Variants in FAM20C observed in about 807,000 individuals in gnomAD.
The protein encoded by FAM20C is FAM20C golgi associated secretory pathway kinase, also known as extracellular serine/threonine protein kinase FAM20C.
Under a neutral mutation model 51.5 loss-of-function variants are expected in FAM20C, and 40 were observed. The ratio of observed to expected loss-of-function variants is 0.78; its 90% CI spans 0.60 to 1.01. The LOEUF is 1.01. Ranked by LOEUF, FAM20C falls within the 50% of genes least tolerant of loss-of-function variation. The pLI is 0.00. For synonymous variants in FAM20C, 406 were observed against 380.6 expected, an observed-to-expected ratio of 1.07 and a Z score of -0.78; for missense variants, 861 against 844.7, an observed-to-expected ratio of 1.02 and a Z score of -0.24.
In FAM20C at chr7:193,697, G is replaced by GCACC; in HGVS notation, c.500_503dup (p.Leu169ProfsTer41). 1 of 1,545,368 alleles carries GCACC rather than the reference G, an allele frequency of 6.5e-7. No homozygotes were observed. Among genetic ancestry groups the GCACC allele is most frequent in the Non-Finnish European group, 8.7e-7 (1 of 1,144,846 alleles). On this transcript the variant is annotated frameshift_variant, in exon 1 of 10. Coordinates refer to ENST00000313766, the MANE Select transcript of FAM20C (RefSeq NM_020223.4). LOFTEE classifies it high-confidence loss of function. ...CCTCCCTCCTGGCCAGGCTGTTCGA[G>GCACC]CACCCGCTTTACCGGGTGGCGGTTC...
At chr7:217,006 G>A (rs559988190) in intron 3 of FAM20C, among the ~76,000 whole-genome samples, 1 of 152,088 alleles carries the variant, frequency 6.6e-6, no homozygotes, top group African/African-American at 2.4e-5. Context: ...TCGTACTGGC[G>A]TGAAGAGGCC....
chr7:206,977 C>G (rs1449733442), intron 2 of FAM20C, among the ~76,000 whole-genome samples: 12 of 53,142 alleles, frequency 2.3e-4, no homozygotes, highest in African/African-American at 9.9e-4. Flanking sequence ...GCCCCGCACA[C>G]GTATCCACTG....
At chr7:256,071 G>A in intron 6 of FAM20C, 42 bp downstream of exon 6, 1 of 1,526,198 alleles carries the variant, frequency 6.6e-7, no homozygotes, top group Non-Finnish European at 8.8e-7. Flanking sequence ...CCACCCTACG[G>A]CAGAGGGAGC....
At chr7:256,893 T>C (rs1788611238) in intron 7 of FAM20C, 112 bp from the exon 8 acceptor site, 1 of 1,418,870 alleles carries the variant, frequency 7.0e-7, no homozygotes, top group Non-Finnish European at 9.6e-7. Context: ...GGGGCCAGAT[T>C]GCTTAGAGGT....
intron 3 of FAM20C, among the ~76,000 whole-genome samples, chr7:245,552 G>C (rs1788118676): frequency 6.6e-6 from 1 of 152,176 alleles, no homozygotes; most frequent in Non-Finnish European, 1.5e-5. Flanking sequence ...GGCCTTGGTG[G>C]GGGAAGCATG....
At chr7:209,559 A>G (rs1786602957) in intron 3 of FAM20C, among the ~76,000 whole-genome samples, 1 of 97,520 alleles carries the variant, frequency 1.0e-5, no homozygotes, top group African/African-American at 5.5e-5. Context: ...AAACTGTGTC[A>G]GTCACCAAAA....
At chr7:246,239 C>T in intron 3 of FAM20C, 176 bp from the exon 4 acceptor site, 1 of 617,340 alleles carries the variant, frequency 1.6e-6, no homozygotes, top group East Asian at 2.9e-5. Flanking sequence ...GCCTGCGCTG[C>T]TCTGAGGGCC....
At chr7:224,165 TCTCTCACGGA>T (rs2115102632) in intron 3 of FAM20C, among the ~76,000 whole-genome samples, 1 of 140,630 alleles carries the variant, frequency 7.1e-6, no homozygotes, top group Admixed American at 7.2e-5. Context: ...CCCTGAGCAT[TCTCTCACGGA>T]GCAGAACGGC....
chr7:252,886 A>G (rs890863177), intron 5 of FAM20C, among the ~76,000 whole-genome samples: 9 of 152,366 alleles, frequency 5.9e-5, no homozygotes, highest in African/African-American at 2.2e-4. Context: ...CACGTAAGTT[A>G]CCGTCTGCAC....
intron 3 of FAM20C, among the ~76,000 whole-genome samples, chr7:230,772 T>G (rs28624424): frequency 2.6e-4 from 11 of 42,354 alleles, no homozygotes; most frequent in Admixed American, 1.2e-3. Context: ...GAAGGGAAAA[T>G]TCCTGTGTGT....
At chr7:230,334 C>T (rs980696494) in intron 3 of FAM20C, among the ~76,000 whole-genome samples, 2 of 132,204 alleles carry the variant, frequency 1.5e-5, no homozygotes, top group Non-Finnish European at 3.1e-5. Flanking sequence ...CAGCCCTGCC[C>T]ACAGCTCAGC....
Position 259,966 on chromosome 7 carries a change from G to T in FAM20C, c.1741G>T (p.Ala581Ser), listed in dbSNP as rs565864949. 7 of 1,515,996 alleles carry T rather than the reference G, an allele frequency of 4.6e-6. No homozygotes were observed. The highest frequency in any genetic ancestry group is 1.7e-4 in the Middle Eastern group (1 of 5,792). 93.9% of individuals were successfully genotyped at this position (1,515,996 alleles called of 1,614,324 possible). The change falls in exon 10 of 10, where the codon GCC becomes TCC. Residue 581 changes from alanine to serine, a missense_variant. This residue lies in a region of FAM20C where 269 missense variants were observed against 283.8 expected (regional missense o/e 0.95). Coordinates refer to ENST00000313766, the MANE Select transcript of FAM20C (RefSeq NM_020223.4). ...DDDLDTEHRA[A>S]SAR Reference sequence around the variant, plus strand: ...CGACCTGGACACTGAGCACAGAGCCGCCTCGGCGAGGTAGTGTCCGCCGGC... The same window carrying T: ...CGACCTGGACACTGAGCACAGAGCCTCCTCGGCGAGGTAGTGTCCGCCGGC...
intron 3 of FAM20C, among the ~76,000 whole-genome samples, chr7:245,739 C>T (rs1291384277): frequency 1.3e-5 from 2 of 152,244 alleles, no homozygotes; most frequent in Non-Finnish European, 2.9e-5. Context: ...TCCCCTTCCC[C>T]TGGAGTATTG....
At chr7:217,834 G>A (rs1201330905) in intron 3 of FAM20C, among the ~76,000 whole-genome samples, 1 of 152,164 alleles carries the variant, frequency 6.6e-6, no homozygotes, top group African/African-American at 2.4e-5. Context: ...CGCCTGGCTG[G>A]GGCTGGCCGT....
chr7:251,784 A>G (rs929755596), intron 5 of FAM20C, among the ~76,000 whole-genome samples: 1 of 152,074 alleles, frequency 6.6e-6, no homozygotes, highest in Non-Finnish European at 1.5e-5. Context: ...TCTGGATATT[A>G]GTTGCGTTTT....
At chr7:228,456 A>C in intron 3 of FAM20C, 1 of 456,028 alleles carries the variant, frequency 2.2e-6, no homozygotes, top group South Asian at 1.5e-5. Context: ...GGCTGGTGTC[A>C]CGGCTCAGTG....
intron 3 of FAM20C, among the ~76,000 whole-genome samples, chr7:240,678 G>A (rs1787919557): frequency 6.6e-6 from 1 of 152,162 alleles, no homozygotes; most frequent in Non-Finnish European, 1.5e-5. Flanking sequence ...CACCTGTTCG[G>A]AAGCAAGCCC....
chr7:248,053 A>G (rs932403745), intron 4 of FAM20C, among the ~76,000 whole-genome samples: 12 of 152,214 alleles, frequency 7.9e-5, no homozygotes, highest in African/African-American at 2.9e-4. Context: ...GGCTTTAGCT[A>G]TGCAGGCAGT....
intron 3 of FAM20C, among the ~76,000 whole-genome samples, chr7:217,701 C>T (rs1384735326): frequency 6.6e-6 from 1 of 152,132 alleles, no homozygotes; most frequent in East Asian, 1.9e-4. Flanking sequence ...CACGTGGCCA[C>T]GTCCAGAGAG....
Sources: allele counts gnomAD v4.1 joint callset (sites outside exome capture counted in the v4.1 genomes callset), GRCh38; gene constraint gnomAD v4.1.1; regional missense constraint gnomAD v4.1.1; transcripts MANE v1.5; gene names NCBI Gene and HGNC (gene_info 2026-07-23, HGNC 2026-07-21).